Variants in SAXO1 observed in about 807,000 individuals in gnomAD.
SAXO1 encodes 4930500O09Rik.
SAXO1 carries 21 observed loss-of-function variants against 17.5 expected under a neutral mutation model. That is an observed-to-expected ratio of 1.20 (90% CI 0.85 to 1.72). The LOEUF is 1.72. Among genes scored for constraint, SAXO1 ranks in the 40% most tolerant of loss-of-function variants. The probability of loss-of-function intolerance (pLI) is 0.00; values close to 1 mark genes in which losing one functional copy is unlikely to be tolerated. For synonymous variants in SAXO1, 274 were observed against 216.5 expected (o/e 1.27, Z -2.33); for missense variants, 843 against 596.0 (o/e 1.41, Z -4.32).
At chr9:18,937,454 T>A (rs909146581) in intron 3 of SAXO1, among the ~76,000 whole-genome samples, 5 of 152,210 alleles carry the variant, frequency 3.3e-5, no homozygotes, top group African/African-American at 9.7e-5. Flanking sequence ...AAGGCACAGT[T>A]TGGGAAGCCC....
chr9:18,928,334 G>A lies in SAXO1; in HGVS notation c.1143C>T (p.His381=), dbSNP rs1386863044. The change falls in exon 4 of 4, where the codon CAC becomes CAT. Residue 381 remains histidine, a synonymous_variant. Transcript: ENST00000380534. ...TACAGCTTTTGGTATTGATAGGCAGGTGGGGCACATAGTGGGCCCGAGTGG... is the reference window on the plus strand; with the variant it reads ...TACAGCTTTTGGTATTGATAGGCAGATGGGGCACATAGTGGGCCCGAGTGG... ...LTTTRAHYVP[H]LPINTKSCKP... is the part of the protein sequence containing the mutation. 5.0e-6 allele frequency: 8 copies of A among 1,613,514 alleles called. No individual in the cohort carries two copies. Among genetic ancestry groups the A allele is most frequent in the Admixed American group, 3.3e-5 (2 of 59,964 alleles).
In SAXO1 at chr9:18,961,669, G is replaced by A. The variant is rs577306970; in HGVS notation, c.39-10732C>T. ...ATGTCCCTGCAAAAGACATGAACTC[G>A]TACTTTTTTATGGCTGCACAGTATT... On this transcript the variant is annotated intron_variant, in intron 1 of 3. Coordinates refer to ENST00000380534, the MANE Select transcript of SAXO1 (RefSeq NM_153707.4). Among the ~76,000 whole-genome samples the A allele has an allele frequency of 6.6e-5, 10 of 152,224 alleles. No homozygotes were observed. The South Asian group carries it at 8.3e-4, about 13-fold the overall frequency.
intron 1 of SAXO1, among the ~76,000 whole-genome samples, chr9:18,992,742 A>T (rs1385219638): frequency 6.6e-6 from 1 of 151,826 alleles, no homozygotes; most frequent in Non-Finnish European, 1.5e-5. Flanking sequence ...CTACGATCTC[A>T]TGAGTGTGTA....
Position 19,015,397 on chromosome 9 carries a change from G to A in SAXO1, c.38+17474C>T, listed in dbSNP as rs931395048. ...CTCATCCTGTCACCCAGGCTGGAGTGCAGTGGCGTGATCTTGGCTTACTGC... is the reference window on the plus strand; with the variant it reads ...CTCATCCTGTCACCCAGGCTGGAGTACAGTGGCGTGATCTTGGCTTACTGC... On this transcript the variant is annotated intron_variant, in intron 1 of 3. Coordinates refer to ENST00000380534, the MANE Select transcript of SAXO1 (RefSeq NM_153707.4). 4.6e-5 allele frequency among the ~76,000 whole-genome samples: 7 copies of A among 152,144 alleles called. No homozygotes were observed. The East Asian group carries it at 7.7e-4, about 17-fold the overall frequency.
chr9:18,942,699 C>T (rs1348858867), intron 2 of SAXO1, among the ~76,000 whole-genome samples: 1 of 152,178 alleles, frequency 6.6e-6, no homozygotes, highest in African/African-American at 2.4e-5. Flanking sequence ...AGCAGTCCCT[C>T]CCCAAAGCAT....
intron 1 of SAXO1, among the ~76,000 whole-genome samples, chr9:18,953,863 T>C (rs1488930330): frequency 1.3e-5 from 2 of 152,248 alleles, no homozygotes; most frequent in Non-Finnish European, 2.9e-5. Context: ...AAATAATTTG[T>C]TCTAACATTA....
intron 1 of SAXO1, among the ~76,000 whole-genome samples, chr9:18,998,585 C>T (rs1337922890): frequency 1.3e-5 from 2 of 152,084 alleles, no homozygotes; most frequent in African/African-American, 4.8e-5. Context: ...GCAAGACAGG[C>T]CAACATTCAA....
intron 3 of SAXO1, among the ~76,000 whole-genome samples, chr9:18,935,945 A>G (rs1831270587): frequency 6.6e-6 from 1 of 152,144 alleles, no homozygotes. Flanking sequence ...GGGGTGATGG[A>G]AGCAGCCCCA....
At chr9:19,003,503 G>C (rs190692725) in intron 1 of SAXO1, among the ~76,000 whole-genome samples, 33 of 152,246 alleles carry the variant, frequency 2.2e-4, no homozygotes, top group Admixed American at 3.9e-4. Flanking sequence ...AAACTGCAAG[G>C]CTACAATAAC....
intron 1 of SAXO1, among the ~76,000 whole-genome samples, chr9:18,997,622 C>A (rs1438145077): frequency 7.9e-5 from 12 of 152,364 alleles, no homozygotes; most frequent in African/African-American, 2.9e-4. Flanking sequence ...GTTCTCCCAG[C>A]ATGGCATTCA....
rs1046555881 is a variant in SAXO1, at chr9:18,996,810, A to G, written c.38+36061T>C. ...AAGGATCCCCACATATATAACTTCT[A>G]TTCAACATAGTATTTAAAGCTCTAG... On this transcript the variant is annotated intron_variant, in intron 1 of 3. Transcript: ENST00000380534. Among the ~76,000 whole-genome samples the G allele has an allele frequency of 5.3e-5, 8 of 152,328 alleles. 1 individual carries two copies. Among genetic ancestry groups the G allele is most frequent in the Admixed American group, 3.9e-4 (6 of 15,302 alleles).
chr9:18,951,573 C>T (rs1466023261), intron 1 of SAXO1, among the ~76,000 whole-genome samples: 2 of 152,178 alleles, frequency 1.3e-5, no homozygotes, highest in African/African-American at 4.8e-5. Context: ...AAGACTTCCG[C>T]CAATCATCTT....
intron 1 of SAXO1, among the ~76,000 whole-genome samples, chr9:19,010,098 G>A (rs946752452): frequency 2.6e-5 from 4 of 151,762 alleles, no homozygotes; most frequent in Non-Finnish European, 5.9e-5. Flanking sequence ...CAAAGTGCTG[G>A]GATTTCAGGC....
At chr9:18,990,443 T>G (rs10811076) in intron 1 of SAXO1, among the ~76,000 whole-genome samples, 83,243 of 151,400 alleles carry the variant, frequency 0.55, 23,478 homozygotes, top group Non-Finnish European at 0.63. Flanking sequence ...CCGTGGCTTA[T>G]GCCTATAATC....
chr9:18,948,523 G>A (rs74663721), intron 2 of SAXO1, among the ~76,000 whole-genome samples: 2,577 of 152,244 alleles, frequency 0.017, 79 homozygotes, highest in African/African-American at 0.059. Context: ...CTCTGACTCC[G>A]GCAGGGGCAG....
At chr9:18,956,784 T>C (rs1376051525) in intron 1 of SAXO1, among the ~76,000 whole-genome samples, 3 of 152,238 alleles carry the variant, frequency 2.0e-5, no homozygotes, top group Admixed American at 2.0e-4. Flanking sequence ...GGCTAATTTG[T>C]GGAGCAATTA....
chr9:19,034,274 G>T (rs540465389), upstream of SAXO1, among the ~76,000 whole-genome samples: 4 of 110,882 alleles, frequency 3.6e-5, no homozygotes, highest in South Asian at 2.6e-4. Context: ...CTTTTTGTGT[G>T]GGGGGGGTTA....
At chr9:18,936,600 C>G (rs1200153940) in intron 3 of SAXO1, among the ~76,000 whole-genome samples, 5 of 152,192 alleles carry the variant, frequency 3.3e-5, no homozygotes, top group African/African-American at 1.2e-4. Flanking sequence ...CTCCACCCAG[C>G]ATTTATTACC....
At chr9:18,943,827 G>T (rs1336151890) in intron 2 of SAXO1, among the ~76,000 whole-genome samples, 1 of 152,226 alleles carries the variant, frequency 6.6e-6, no homozygotes, top group African/African-American at 2.4e-5. Context: ...CAACCTCAGA[G>T]CATCTAGGGA....
Sources: allele counts gnomAD v4.1 joint callset (sites outside exome capture counted in the v4.1 genomes callset), GRCh38; gene constraint gnomAD v4.1.1; transcripts MANE v1.5; gene names NCBI Gene and HGNC (gene_info 2026-07-23, HGNC 2026-07-21).